The following CRACD variants were observed in gnomAD, a reference collection of about 807,000 sequenced individuals.
CRACD encodes the protein capping protein-inhibiting regulator of actin dynamics.
A neutral mutation model predicts 106.8 loss-of-function variants in CRACD; 56 were observed. The ratio of observed to expected loss-of-function variants is 0.52; its 90% CI spans 0.42 to 0.66. The LOEUF (loss-of-function observed/expected upper bound fraction) is 0.66, where lower values mean the gene tolerates loss of function less well. Among genes scored for constraint, CRACD ranks in the 30% least tolerant of loss-of-function variants. The probability of loss-of-function intolerance (pLI) is 0.00; values close to 1 mark genes in which losing one functional copy is unlikely to be tolerated. For synonymous variants in CRACD, 754 were observed against 670.8 expected, an observed-to-expected ratio of 1.12 and a Z score of -1.92; for missense variants, 1,730 against 1,623.2, an observed-to-expected ratio of 1.07 and a Z score of -1.13.
chr4:56,102,121 G>A (rs1368292966), intron 1 of CRACD, among the ~76,000 whole-genome samples: 1 of 152,158 alleles, frequency 6.6e-6, no homozygotes, highest in Non-Finnish European at 1.5e-5. Context: ...CTAAGTTGGA[G>A]CGTGTACATT....
chr4:56,113,239 A>G (rs112273308), intron 1 of CRACD, among the ~76,000 whole-genome samples: 1 of 152,156 alleles, frequency 6.6e-6, no homozygotes, highest in South Asian at 2.1e-4. Flanking sequence ...TCTGCTGTTT[A>G]TTGTTCTATT....
chr4:56,308,611 G>C (rs926404050), intron 5 of CRACD, among the ~76,000 whole-genome samples: 1 of 152,216 alleles, frequency 6.6e-6, no homozygotes, highest in Non-Finnish European at 1.5e-5. Flanking sequence ...TGTCATGAGA[G>C]TAGTGAGAAA....
intron 2 of CRACD, among the ~76,000 whole-genome samples, chr4:56,223,040 T>TAAA (rs36000908): frequency 7.4e-6 from 1 of 135,766 alleles, no homozygotes; most frequent in Non-Finnish European, 1.6e-5. Context: ...CCAGTAAACT[T>TAAA]AAAAAAAAAA....
At chr4:56,317,188 T>G (rs940703617) in intron 8 of CRACD, among the ~76,000 whole-genome samples, 1 of 152,152 alleles carries the variant, frequency 6.6e-6, no homozygotes, top group Non-Finnish European at 1.5e-5. Context: ...CACCAGGTGG[T>G]CCTTGCGCTC....
intron 1 of CRACD, among the ~76,000 whole-genome samples, chr4:56,149,099 A>T (rs1212658479): frequency 1.3e-5 from 2 of 152,168 alleles, no homozygotes; most frequent in South Asian, 2.1e-4. Flanking sequence ...TACAGGTGTG[A>T]GCCACCGTGC....
At chr4:56,239,277 G>C (rs901171502) in intron 2 of CRACD, among the ~76,000 whole-genome samples, 1 of 151,564 alleles carries the variant, frequency 6.6e-6, no homozygotes, top group Non-Finnish European at 1.5e-5. Context: ...TGCATGACAG[G>C]CTCAAAAAAT....
intron 1 of CRACD, among the ~76,000 whole-genome samples, chr4:56,074,290 T>G (rs983753934): frequency 7.2e-4 from 110 of 152,342 alleles, no homozygotes; most frequent in African/African-American, 2.5e-3. Context: ...ATGACCATTT[T>G]CACGATATTG....
At chr4:56,193,033 A>G (rs1271322558) in intron 2 of CRACD, among the ~76,000 whole-genome samples, 1 of 152,192 alleles carries the variant, frequency 6.6e-6, no homozygotes, top group Non-Finnish European at 1.5e-5. Context: ...AAGACTGGGT[A>G]ATTTATAAAG....
At chr4:56,236,340 G>A (rs938532422) in intron 2 of CRACD, among the ~76,000 whole-genome samples, 13 of 152,306 alleles carry the variant, frequency 8.5e-5, no homozygotes, top group African/African-American at 2.4e-4. Flanking sequence ...AGGGAACACG[G>A]CCTTGATCTC....
chr4:56,230,160 T>C (rs1474229232), intron 2 of CRACD, among the ~76,000 whole-genome samples: 1 of 152,188 alleles, frequency 6.6e-6, no homozygotes, highest in Non-Finnish European at 1.5e-5. Context: ...CTTCTTCCTC[T>C]TTGTGGTTTT....
chr4:56,053,564 G>T (rs190610691), intron 1 of CRACD, among the ~76,000 whole-genome samples: 8 of 151,872 alleles, frequency 5.3e-5, no homozygotes, highest in African/African-American at 1.7e-4. Flanking sequence ...ATGGTGTCTG[G>T]TTTGCATTAT....
chr4:56,121,735 A>G (rs1050153158), intron 1 of CRACD, among the ~76,000 whole-genome samples: 2 of 152,254 alleles, frequency 1.3e-5, no homozygotes, highest in Non-Finnish European at 2.9e-5. Context: ...AAATGAATCA[A>G]TGTAGCTGAA....
chr4:56,262,357 T>C (rs1278158706), intron 2 of CRACD, among the ~76,000 whole-genome samples: 2 of 152,232 alleles, frequency 1.3e-5, no homozygotes, highest in Non-Finnish European at 2.9e-5. Context: ...GTCTTATTTC[T>C]ACACACTTCG....
intron 1 of CRACD, among the ~76,000 whole-genome samples, chr4:56,165,221 G>T (rs1321887664): frequency 6.6e-6 from 1 of 152,216 alleles, no homozygotes. Flanking sequence ...ACTGCCTTCA[G>T]TGATGTTTCT....
intron 3 of CRACD, among the ~76,000 whole-genome samples, chr4:56,296,694 G>T (rs1385366197): frequency 6.6e-6 from 1 of 152,152 alleles, no homozygotes; most frequent in Admixed American, 6.5e-5. Context: ...GGAGGAGGTT[G>T]TGCTCTCTCT....
At chr4:56,295,381 A>G (rs1389748816) in intron 3 of CRACD, among the ~76,000 whole-genome samples, 1 of 152,032 alleles carries the variant, frequency 6.6e-6, no homozygotes, top group Non-Finnish European at 1.5e-5. Context: ...GACCACCACT[A>G]TTATAATTAC....
intron 2 of CRACD, among the ~76,000 whole-genome samples, chr4:56,256,823 A>T (rs4865082): frequency 0.098 from 14,974 of 152,154 alleles, 2,120 homozygotes; most frequent in East Asian, 0.61. Flanking sequence ...ATGGACCCCT[A>T]CTTGGCCAAG....
chr4:56,313,919 G>A (rs1577899818), intron 7 of CRACD, 121 bp from the exon 8 acceptor site: 1 of 1,344,530 alleles, frequency 7.4e-7, no homozygotes, highest in East Asian at 2.3e-5. Flanking sequence ...CTGAACTTGA[G>A]AATACCTGCT....
At chr4:56,138,125 A>T (rs1336726177) in intron 1 of CRACD, among the ~76,000 whole-genome samples, 1 of 152,000 alleles carries the variant, frequency 6.6e-6, no homozygotes, top group Non-Finnish European at 1.5e-5. Context: ...TGATTCAGAG[A>T]TTTAAATGAT....
Sources: gnomAD v4.1 joint callset for allele counts (sites outside exome capture counted in the v4.1 genomes callset) on GRCh38, gnomAD v4.1.1 for gene constraint, MANE v1.5 for transcripts, NCBI Gene and HGNC (gene_info 2026-07-23, HGNC 2026-07-21) for gene names.